NEDD4: variants seen among roughly 807,000 people sequenced by gnomAD.
NEDD4 encodes the protein NEDD4 E3 ubiquitin protein ligase, also known as E3 ubiquitin-protein ligase NEDD4.
In NEDD4, 99 loss-of-function variants were observed where a neutral mutation model predicts 144.9. The ratio of observed to expected loss-of-function variants is 0.68; its 90% CI spans 0.58 to 0.81. The LOEUF is 0.81. NEDD4 is among the 30% of genes least tolerant of loss of function. The pLI is 0.00. For missense variants in NEDD4, 985 were observed against 1,065.9 expected (o/e 0.92, Z 1.06); for synonymous variants, 318 against 350.6 (o/e 0.91, Z 1.04).
At chr15:55,903,762 T>C (rs78130532) in intron 5 of NEDD4, among the ~76,000 whole-genome samples, 21,116 of 147,330 alleles carry the variant, frequency 0.14, 1,652 homozygotes, top group East Asian at 0.35. Context: ...GAGGCGGAGG[T>C]TGCAATGAGC....
chr15:55,925,211 A>G (rs1380629408), intron 4 of NEDD4, among the ~76,000 whole-genome samples: 2 of 152,254 alleles, frequency 1.3e-5, no homozygotes, highest in Non-Finnish European at 2.9e-5. Context: ...AACAACAACA[A>G]AGTGAATCTG....
At chr15:55,967,778 T>C (rs1437168150) in intron 1 of NEDD4, among the ~76,000 whole-genome samples, 3 of 151,736 alleles carry the variant, frequency 2.0e-5, no homozygotes, top group African/African-American at 7.3e-5. Flanking sequence ...CACAGCACTT[T>C]GGGTGGCCAA....
At chr15:55,953,460 G>C (rs1269425189) in intron 2 of NEDD4, among the ~76,000 whole-genome samples, 1 of 136,100 alleles carries the variant, frequency 7.3e-6, no homozygotes, top group Non-Finnish European at 1.6e-5. Flanking sequence ...TTTTTTTTTT[G>C]AGATGAAGTC....
chr15:55,904,371 C>T (rs1046976118), intron 5 of NEDD4, among the ~76,000 whole-genome samples: 10 of 151,968 alleles, frequency 6.6e-5, no homozygotes, highest in Admixed American at 3.3e-4. Flanking sequence ...GGCTCGATCT[C>T]GGCTCACTGC....
Position 55,829,973 on chromosome 15 carries a change from T to G in NEDD4, c.2627A>C (p.Tyr876Ser), listed in dbSNP as rs767360937. 1.2e-6 allele frequency: 2 copies of G among 1,613,412 alleles called. No individual in the cohort carries two copies. The highest frequency in any genetic ancestry group is 3.3e-5 in the Admixed American group (2 of 59,932). ...ATCCCATAATTCTTCAAATGATTCA[T>G]AAGGTGGCAAGTCCAGGCGATTAAA... ...TCFNRLDLPPYESFEELWDKL... is the reference protein window; with the variant it reads ...TCFNRLDLPPSESFEELWDKL... Residue 876 changes from tyrosine (Y) to serine (S), a missense_variant, in exon 29 of 29, where the codon TAT (tyrosine) becomes TCT (serine). By Grantham distance (144) the Tyr-to-Ser change is moderately radical (BLOSUM62 -2). Transcript: ENST00000435532.
chr15:55,902,949 C>T (rs912029247), intron 5 of NEDD4, among the ~76,000 whole-genome samples: 4 of 151,940 alleles, frequency 2.6e-5, no homozygotes, highest in Admixed American at 1.3e-4. Context: ...TGCAGTGAAC[C>T]GAGATCGTGC....
At position 55,869,687 on chromosome 15, in the gene NEDD4, G is replaced by C; in HGVS notation, c.405-6C>G. 1.4e-6 allele frequency: 2 copies of C among 1,475,848 alleles called. No homozygotes were observed. Among genetic ancestry groups the C allele is most frequent in the Non-Finnish European group, 1.8e-6 (2 of 1,081,460 alleles). 91.4% of individuals were successfully genotyped at this position (1,475,848 alleles called of 1,614,324 possible). On this transcript the variant is annotated splice_region_variant and splice_polypyrimidine_tract_variant and intron_variant, in intron 7 of 28. Transcript: ENST00000435532. ...CTTTAACTCTTGATTTGTGACTGTA[G>C]AAAAGAAAATAAATATTCATAAAAC...
intron 28 of NEDD4, 38 bp downstream of exon 28, chr15:55,830,476 T>G: frequency 1.3e-5 from 20 of 1,572,808 alleles, no homozygotes; most frequent in Non-Finnish European, 1.6e-5. Flanking sequence ...TCTCACTCTC[T>G]GAGGCTTTGT....
intron 13 of NEDD4, 113 bp downstream of exon 13, chr15:55,852,311 A>T: frequency 8.0e-7 from 1 of 1,249,168 alleles, no homozygotes; most frequent in Non-Finnish European, 1.1e-6. Flanking sequence ...AATAAAAAAA[A>T]AAAAGAAGGT....
Position 55,901,847 on chromosome 15 carries a change from G to C in NEDD4, c.291+22799C>G, listed in dbSNP as rs576977636. The stretch of plus-strand genomic sequence containing the variant: ...GATAATGAGAGCTACTCTTTATTGA[G>C]CATCAAGTATTTGCCAAACATATAA... On this transcript the variant is annotated intron_variant, in intron 5 of 28. Transcript: ENST00000435532. Among the ~76,000 whole-genome samples the C allele has an allele frequency of 3.9e-5, 6 of 152,156 alleles. No individual in the cohort carries two copies. In the East Asian group the frequency reaches 1.2e-3, roughly 29 times the overall value.
intron 2 of NEDD4, among the ~76,000 whole-genome samples, chr15:55,964,358 A>T (rs1449341444): frequency 5.3e-5 from 8 of 152,180 alleles, no homozygotes; most frequent in Non-Finnish European, 1.0e-4. Context: ...CCAACTGCGT[A>T]ACAATTTCTA....
intron 4 of NEDD4, among the ~76,000 whole-genome samples, chr15:55,926,059 T>C (rs1303349814): frequency 1.3e-5 from 2 of 151,914 alleles, no homozygotes; most frequent in Non-Finnish European, 2.9e-5. Flanking sequence ...GTATGTAAAA[T>C]ACATATACGT....
intron 2 of NEDD4, among the ~76,000 whole-genome samples, chr15:55,956,645 C>T (rs2037342892): frequency 6.6e-6 from 1 of 152,156 alleles, no homozygotes; most frequent in South Asian, 2.1e-4. Flanking sequence ...TGTATTTTTA[C>T]ACTCTCCATT....
At position 55,878,811 on chromosome 15, in the gene NEDD4, G is replaced by T. The variant is rs182788432; in HGVS notation, c.292-4803C>A. Among the ~76,000 whole-genome samples the T allele has an allele frequency of 3.9e-5, 6 of 152,264 alleles. No individual in the cohort carries two copies. The East Asian group carries it at 5.8e-4, about 15-fold the overall frequency. Reference sequence around the variant, plus strand: ...CATATATAAATCTCAAAGAAAAGTGGTTTTTTTGTTTGTTTGTTTTGTTTT... The same window carrying T: ...CATATATAAATCTCAAAGAAAAGTGTTTTTTTTGTTTGTTTGTTTTGTTTT... On this transcript the variant is annotated intron_variant, in intron 5 of 28. Transcript: ENST00000435532.
At position 55,979,822 on chromosome 15, in the gene NEDD4, T is replaced by C. The variant is rs191435263; in HGVS notation, c.46-13276A>G. Among the ~76,000 whole-genome samples the C allele has an allele frequency of 3.8e-3, 578 of 152,300 alleles. 1 individual carries two copies. The highest frequency in any genetic ancestry group is 6.6e-3 in the Non-Finnish European group (452 of 68,026). On this transcript the variant is annotated intron_variant, in intron 1 of 28. Coordinates refer to ENST00000435532, the MANE Select transcript of NEDD4 (RefSeq NM_006154.4). The stretch of plus-strand genomic sequence containing the variant: ...ATGTAGCATTTATCACATACTATCT[T>C]GTATCTGAGGCAATAAACTTTATGC...
chr15:55,867,822 G>A (rs1474784822), intron 8 of NEDD4, among the ~76,000 whole-genome samples: 10 of 152,164 alleles, frequency 6.6e-5, no homozygotes, highest in African/African-American at 2.2e-4. Flanking sequence ...TTGGGAAGCC[G>A]AGGCGGATGG....
chr15:55,842,162 T>C lies in NEDD4; in HGVS notation c.1610A>G (p.Asn537Ser), dbSNP rs149994307. Residue 537 changes from asparagine to serine, a missense_variant and splice_region_variant, in exon 19 of 29, where the codon AAT (asparagine) becomes AGT (serine). By Grantham distance (46) the Asn-to-Ser change is conservative (BLOSUM62 1). Transcript: ENST00000435532. ...EFFRRKLKKQNDIPNKFEMKL... is the reference protein window; with the variant it reads ...EFFRRKLKKQSDIPNKFEMKL... ...CATTTCAAATTTGTTTGGAATGTCA[T>C]TCTGAAAATCCAGAGGAGAGACGTA... 5 of 1,613,524 alleles carry C rather than the reference T, an allele frequency of 3.1e-6. No individual in the cohort carries two copies. The African/African-American group carries it at 6.7e-5, about 22-fold the overall frequency.
At chr15:55,934,051 G>C (rs1386301564) in intron 4 of NEDD4, among the ~76,000 whole-genome samples, 1 of 152,198 alleles carries the variant, frequency 6.6e-6, no homozygotes, top group Non-Finnish European at 1.5e-5. Context: ...TACTTGGGAG[G>C]CTGAGACAGG....
chr15:55,947,375 T>C (rs1595867548), intron 4 of NEDD4, among the ~76,000 whole-genome samples: 1 of 152,264 alleles, frequency 6.6e-6, no homozygotes, highest in South Asian at 2.1e-4. Flanking sequence ...CATCAGAGAA[T>C]ACTATAAACA....
Sources: allele counts gnomAD v4.1 joint callset (sites outside exome capture counted in the v4.1 genomes callset), GRCh38; gene constraint gnomAD v4.1.1; transcripts MANE v1.5; gene names NCBI Gene and HGNC (gene_info 2026-07-23, HGNC 2026-07-21).